The following NBEA variants were observed in gnomAD, a reference collection of about 807,000 sequenced individuals.
NBEA encodes neurobeachin, also known as lysosomal-trafficking regulator 2.
NBEA carries 44 observed loss-of-function variants against 343.4 expected under a neutral mutation model. The ratio of observed to expected loss-of-function variants is 0.13; its 90% CI spans 0.10 to 0.16. The LOEUF (loss-of-function observed/expected upper bound fraction) is 0.16. Ranked by LOEUF, NBEA falls within the 10% of genes least tolerant of loss-of-function variation. The pLI is 1.00. For synonymous variants in NBEA, 1,175 were observed against 1,238.7 expected (o/e 0.95, Z 1.08); for missense variants, 2,555 against 3,631.3 (o/e 0.70, Z 7.62).
intron 47 of NBEA, among the ~76,000 whole-genome samples, chr13:35,598,290 G>C (rs1449740128): frequency 6.6e-6 from 1 of 152,190 alleles, no homozygotes; most frequent in Non-Finnish European, 1.5e-5. Flanking sequence ...AACGCAGCCA[G>C]GAATAAGTTG....
intron 1 of NBEA, among the ~76,000 whole-genome samples, chr13:34,954,231 G>A (rs1274160530): frequency 6.6e-6 from 1 of 152,102 alleles, no homozygotes; most frequent in Non-Finnish European, 1.5e-5. Context: ...GGGAATCTAT[G>A]GATTTTGGTA....
At chr13:35,330,429 A>G (rs1401021266) in intron 36 of NBEA, among the ~76,000 whole-genome samples, 1 of 152,032 alleles carries the variant, frequency 6.6e-6, no homozygotes, top group Non-Finnish European at 1.5e-5. Flanking sequence ...GCAGGAGCAC[A>G]GATGGGTTTC....
At chr13:35,290,263 G>A (rs925311075) in intron 34 of NBEA, 126 bp from the exon 35 acceptor site, 1 of 597,388 alleles carries the variant, frequency 1.7e-6, no homozygotes, top group African/African-American at 1.9e-5. Context: ...TTTTCATTCA[G>A]TTTACCTTAG....
At chr13:35,352,834 A>G (rs1171712556) in intron 38 of NBEA, among the ~76,000 whole-genome samples, 1 of 152,156 alleles carries the variant, frequency 6.6e-6, no homozygotes, top group Non-Finnish European at 1.5e-5. Context: ...TGTTTATGAT[A>G]ATATAGTACA....
At chr13:35,046,445 T>G (rs1429279249) in intron 4 of NBEA, among the ~76,000 whole-genome samples, 3 of 152,110 alleles carry the variant, frequency 2.0e-5, no homozygotes, top group African/African-American at 7.2e-5. Flanking sequence ...TTTCAGTCTT[T>G]TAAATTTGAG....
chr13:35,029,284 T>C (rs1408791109), intron 1 of NBEA, among the ~76,000 whole-genome samples: 1 of 151,526 alleles, frequency 6.6e-6, no homozygotes, highest in Non-Finnish European at 1.5e-5. Flanking sequence ...TGGATGGCTG[T>C]AATGGGAGTC....
At chr13:35,581,884 T>TA (rs67036210) in intron 45 of NBEA, among the ~76,000 whole-genome samples, 64 of 110,462 alleles carry the variant, frequency 5.8e-4, no homozygotes, top group South Asian at 1.2e-3. Flanking sequence ...AAAGTATAAT[T>TA]AAAAAAAAAA....
At chr13:34,949,687 A>C (rs1175417745) in intron 1 of NBEA, among the ~76,000 whole-genome samples, 2 of 152,082 alleles carry the variant, frequency 1.3e-5, no homozygotes, top group Non-Finnish European at 2.9e-5. Flanking sequence ...TTCTAAGTGC[A>C]GTTATTGTTT....
At chr13:34,956,172 T>C (rs1317709260) in intron 1 of NBEA, among the ~76,000 whole-genome samples, 3 of 152,316 alleles carry the variant, frequency 2.0e-5, no homozygotes, top group South Asian at 2.1e-4. Context: ...TAATTTTGAG[T>C]ATATTGTAAT....
chr13:35,087,424 T>C (rs2064831398), intron 10 of NBEA, among the ~76,000 whole-genome samples: 1 of 151,832 alleles, frequency 6.6e-6, no homozygotes, highest in African/African-American at 2.4e-5. Flanking sequence ...AAAGTATGAA[T>C]TTGGAAGTGG....
intron 44 of NBEA, among the ~76,000 whole-genome samples, chr13:35,563,037 T>G (rs1484876080): frequency 6.6e-6 from 1 of 152,000 alleles, no homozygotes; most frequent in Non-Finnish European, 1.5e-5. Flanking sequence ...TTGAGTAGAT[T>G]AGTGTCATAG....
intron 33 of NBEA, 107 bp from the exon 34 acceptor site, chr13:35,232,385 C>A: frequency 1.3e-6 from 1 of 756,774 alleles, no homozygotes; most frequent in Non-Finnish European, 2.1e-6. Context: ...ATTCCATGGG[C>A]TAGAAAGGAC....
At chr13:35,628,915 C>G (rs2083339253) in intron 49 of NBEA, among the ~76,000 whole-genome samples, 1 of 151,980 alleles carries the variant, frequency 6.6e-6, no homozygotes, top group Non-Finnish European at 1.5e-5. Flanking sequence ...GAGACCCTAT[C>G]TCAAAAAAAT....
chr13:35,399,858 T>C (rs1339032460), intron 38 of NBEA, among the ~76,000 whole-genome samples: 4 of 152,010 alleles, frequency 2.6e-5, no homozygotes, highest in Non-Finnish European at 5.9e-5. Context: ...GGGTAATTCA[T>C]TGGCCTAATG....
At chr13:35,530,056 G>T (rs1258795771) in intron 41 of NBEA, among the ~76,000 whole-genome samples, 1 of 152,128 alleles carries the variant, frequency 6.6e-6, no homozygotes, top group Non-Finnish European at 1.5e-5. Context: ...TCTTTACTCT[G>T]TGTTCATAGT....
intron 1 of NBEA, among the ~76,000 whole-genome samples, chr13:34,979,380 C>A (rs2060281704): frequency 6.6e-6 from 1 of 152,114 alleles, no homozygotes. Context: ...ATTAGCTGGG[C>A]ATGGTGGCGT....
chr13:35,656,025 G>C (rs552092976), intron 55 of NBEA, among the ~76,000 whole-genome samples: 2 of 152,082 alleles, frequency 1.3e-5, no homozygotes, highest in Non-Finnish European at 2.9e-5. Context: ...CCATCCTTCA[G>C]AAATTTTCTT....
At chr13:34,965,061 T>C (rs1265585157) in intron 1 of NBEA, among the ~76,000 whole-genome samples, 1 of 152,054 alleles carries the variant, frequency 6.6e-6, no homozygotes, top group Non-Finnish European at 1.5e-5. Flanking sequence ...ATATGGTATA[T>C]GTCAGCAGCA....
chr13:35,003,095 T>C (rs770736626), intron 1 of NBEA, among the ~76,000 whole-genome samples: 8 of 152,086 alleles, frequency 5.3e-5, no homozygotes, highest in Non-Finnish European at 7.4e-5. Flanking sequence ...AGAAGAAAAT[T>C]ATGCATAGAA....
Sources: allele counts gnomAD v4.1 joint callset (sites outside exome capture counted in the v4.1 genomes callset), GRCh38; gene constraint gnomAD v4.1.1; transcripts MANE v1.5; gene names NCBI Gene and HGNC (gene_info 2026-07-23, HGNC 2026-07-21).